The following FERMT2 variants were observed in gnomAD, a reference collection of about 807,000 sequenced individuals.
FERMT2 encodes fermitin family homolog 2.
FERMT2 carries 15 observed loss-of-function variants against 82.7 expected under a neutral mutation model. The ratio of observed to expected loss-of-function variants is 0.18; its 90% confidence interval spans 0.12 to 0.28. The LOEUF is 0.28. Ranked by LOEUF, FERMT2 falls within the 10% of genes least tolerant of loss-of-function variation. The pLI is 1.00. For synonymous variants in FERMT2, 274 were observed against 271.5 expected (o/e 1.01, Z -0.09); for missense variants, 645 against 809.4 (o/e 0.80, Z 2.46).
chr14:52,866,189 C>T (rs945329101), intron 10 of FERMT2, among the ~76,000 whole-genome samples: 2 of 152,074 alleles, frequency 1.3e-5, no homozygotes, highest in Non-Finnish European at 2.9e-5. Context: ...CTAGTGTAGG[C>T]TCAGAGGCCT....
chr14:52,948,928 A>T (rs1388758445), intron 2 of FERMT2, among the ~76,000 whole-genome samples: 1 of 152,194 alleles, frequency 6.6e-6, no homozygotes, highest in Non-Finnish European at 1.5e-5. Context: ...AAATATCCAA[A>T]TATTTGCTAT....
At chr14:52,915,274 A>AC (rs1309443730) in intron 3 of FERMT2, among the ~76,000 whole-genome samples, 1 of 152,248 alleles carries the variant, frequency 6.6e-6, no homozygotes, top group Non-Finnish European at 1.5e-5. Flanking sequence ...AAATTAACAA[A>AC]CTGTTTCAAA....
chr14:52,902,767 G>A (rs1345071731), intron 3 of FERMT2, among the ~76,000 whole-genome samples: 1 of 149,022 alleles, frequency 6.7e-6, no homozygotes, highest in Non-Finnish European at 1.5e-5. Flanking sequence ...TACTTGGGAG[G>A]CTGAGGCAGG....
At position 52,858,254 on chromosome 14, in the gene FERMT2, G is replaced by GCAAAGAAGTTTTCATGATAAA. The variant is rs373182201; in HGVS notation, c.*102_*122dup. 915 of 811,448 alleles carry GCAAAGAAGTTTTCATGATAAA rather than the reference G, an allele frequency of 1.1e-3. 7 individuals are homozygous for GCAAAGAAGTTTTCATGATAAA. In the African/African-American group the frequency reaches 0.012, roughly 11 times the overall value. 50.3% of individuals were successfully genotyped at this position (811,448 alleles called of 1,614,324 possible). A position where few individuals can be genotyped will look rare whatever the true frequency, so the allele number is the denominator to read the frequency against. ...TGCACATATTAACTGGTCTGGTAAG[G>GCAAAGAAGTTTTCATGATAAA]CAAAGAAGTTTTCATGATAAAATGA... On this transcript the variant is annotated 3_prime_UTR_variant, in exon 15 of 15. Coordinates refer to ENST00000341590, the MANE Select transcript of FERMT2 (RefSeq NM_006832.3).
chr14:52,882,025 T>C (rs1886329133), intron 4 of FERMT2, among the ~76,000 whole-genome samples: 1 of 152,184 alleles, frequency 6.6e-6, no homozygotes, highest in Admixed American at 6.5e-5. Context: ...AAACGGTTTT[T>C]TTTGTTCAAT....
At chr14:52,904,830 G>C (rs1887901125) in intron 3 of FERMT2, among the ~76,000 whole-genome samples, 1 of 150,222 alleles carries the variant, frequency 6.7e-6, no homozygotes, top group South Asian at 2.1e-4. Flanking sequence ...AAGTAAAAAT[G>C]TCTGCTTTCT....
chr14:52,939,542 A>G (rs1890002108), intron 2 of FERMT2, among the ~76,000 whole-genome samples: 1 of 152,190 alleles, frequency 6.6e-6, no homozygotes, highest in Non-Finnish European at 1.5e-5. Context: ...AAACTATTCT[A>G]AACACTTCAT....
intron 3 of FERMT2, among the ~76,000 whole-genome samples, chr14:52,903,242 G>C (rs1298131176): frequency 1.3e-5 from 2 of 151,780 alleles, no homozygotes; most frequent in African/African-American, 4.8e-5. Flanking sequence ...TAAAAATCAA[G>C]AACACTATTA....
intron 3 of FERMT2, among the ~76,000 whole-genome samples, chr14:52,905,188 CAA>C (rs71125148): frequency 4.7e-5 from 6 of 126,810 alleles, no homozygotes; most frequent in Non-Finnish European, 6.4e-5. Flanking sequence ...GACTCCATCT[CAA>C]AAAAAAAAAA....
At chr14:52,868,095 G>A (rs1308371627) in intron 10 of FERMT2, among the ~76,000 whole-genome samples, 1 of 152,078 alleles carries the variant, frequency 6.6e-6, no homozygotes, top group Non-Finnish European at 1.5e-5. Context: ...ATCATCTAAT[G>A]TCTGCCAGTT....
intron 8 of FERMT2, 45 bp downstream of exon 8, chr14:52,875,178 T>G (rs749271426): frequency 7.1e-6 from 11 of 1,545,914 alleles, no homozygotes; most frequent in Non-Finnish European, 7.9e-6. Context: ...ATGGAATGCA[T>G]CAATTCAAGC....
At position 52,919,113 on chromosome 14, in the gene FERMT2, T is replaced by C. The variant is rs1233402479; in HGVS notation, c.391+10A>G. 1 of 1,566,108 alleles carries C rather than the reference T, an allele frequency of 6.4e-7. No individual in the cohort carries two copies. Among genetic ancestry groups the C allele is most frequent in the Non-Finnish European group, 8.8e-7 (1 of 1,137,568 alleles). On this transcript the variant is annotated intron_variant, in intron 3 of 14. Coordinates refer to ENST00000341590, the MANE Select transcript of FERMT2 (RefSeq NM_006832.3). Reference sequence around the variant, plus strand: ...ACTCGTATTTTAAGAAGAATTTATGTAATACTTACTAAAAGTCTTACAGAT... The same window carrying C: ...ACTCGTATTTTAAGAAGAATTTATGCAATACTTACTAAAAGTCTTACAGAT...
chr14:52,894,717 T>G (rs1887151597), intron 3 of FERMT2, among the ~76,000 whole-genome samples: 1 of 152,014 alleles, frequency 6.6e-6, no homozygotes, highest in African/African-American at 2.4e-5. Context: ...ATATATATGT[T>G]TTAAAGACCA....
chr14:52,934,589 C>G (rs1889749202), intron 2 of FERMT2, among the ~76,000 whole-genome samples: 1 of 152,204 alleles, frequency 6.6e-6, no homozygotes, highest in South Asian at 2.1e-4. Flanking sequence ...GTCACTTCCT[C>G]TGGGACATCT....
intron 9 of FERMT2, 28 bp from the exon 10 acceptor site, chr14:52,872,951 A>AT: frequency 6.2e-7 from 1 of 1,605,628 alleles, no homozygotes; most frequent in Non-Finnish European, 8.5e-7. Flanking sequence ...TTAACAACAA[A>AT]ATCACTTGGA....
chr14:52,943,294 C>G (rs902076818), intron 2 of FERMT2, among the ~76,000 whole-genome samples: 10 of 152,174 alleles, frequency 6.6e-5, no homozygotes, highest in African/African-American at 2.4e-4. Flanking sequence ...TCTTAAAAGA[C>G]CAAGGCTGAG....
intron 3 of FERMT2, among the ~76,000 whole-genome samples, chr14:52,906,681 A>T (rs12887631): frequency 0.63 from 95,894 of 151,762 alleles, 31,612 homozygotes; most frequent in South Asian, 0.76. Flanking sequence ...AATGAAGCCA[A>T]AATCAAACTT....
In FERMT2 at chr14:52,945,243, G is replaced by GT. The variant is rs112038349; in HGVS notation, c.157+5168dup. 6.3e-3 allele frequency among the ~76,000 whole-genome samples: 910 copies of GT among 145,314 alleles called. 5 individuals carry two copies. The highest frequency in any genetic ancestry group is 0.021 in the African/African-American group (819 of 39,052). ...AATTGTTCTATGTTTTTTTGTTGTT[G>GT]TTTTTTTTTTGTGGGTTGGGGGCGG... On this transcript the variant is annotated intron_variant, in intron 2 of 14. Transcript: ENST00000341590.
chr14:52,913,345 C>T (rs1244183465), intron 3 of FERMT2, among the ~76,000 whole-genome samples: 5 of 152,152 alleles, frequency 3.3e-5, no homozygotes, highest in Non-Finnish European at 7.3e-5. Context: ...GGCCAATATA[C>T]TCAATGCATG....
Sources: gnomAD v4.1 joint callset for allele counts (sites outside exome capture counted in the v4.1 genomes callset) on GRCh38, gnomAD v4.1.1 for gene constraint, MANE v1.5 for transcripts, NCBI Gene and HGNC (gene_info 2026-07-23, HGNC 2026-07-21) for gene names.